Variants in USP53 observed in about 807,000 individuals in gnomAD.
USP53 encodes ubiquitin carboxyl-terminal hydrolase 53.
A neutral mutation model predicts 94.9 loss-of-function variants in USP53; 71 were observed. The ratio of observed to expected loss-of-function variants is 0.75; its 90% CI spans 0.62 to 0.91. The LOEUF is 0.91. Among genes scored for constraint, USP53 ranks in the 40% least tolerant of loss-of-function variants. USP53 has a pLI of 0.00. For synonymous variants in USP53, 375 were observed against 422.7 expected (o/e 0.89, Z 1.39); for missense variants, 1,173 against 1,281.0 (o/e 0.92, Z 1.29).
Position 119,294,466 on chromosome 4 carries a change from ATTGCT to A in USP53, c.*1258_*1262del, listed in dbSNP as rs1755080034. On this transcript the variant is annotated 3_prime_UTR_variant, in exon 19 of 19. Transcript: ENST00000692078. ...TTATGAGTAAAAATAAGTTACTTTA[ATTGCT>A]TTATTTCGTTAGTTGTCATTTTATT... 6.6e-6 allele frequency: 1 copy of A among 151,912 alleles called. No individual in the cohort carries two copies. Among genetic ancestry groups the A allele is most frequent in the South Asian group, 2.1e-4 (1 of 4,818 alleles). 9.4% of individuals were successfully genotyped at this position (151,912 alleles called of 1,614,324 possible). A position where few individuals can be genotyped will look rare whatever the true frequency, so the allele number is the denominator to read the frequency against.
intron 17 of USP53, among the ~76,000 whole-genome samples, chr4:119,283,560 GT>G (rs1174909679): frequency 1.3e-5 from 2 of 151,878 alleles, no homozygotes; most frequent in Admixed American, 1.3e-4. Context: ...GGAGAGAAAA[GT>G]TGGGGGCAGT....
intron 17 of USP53, among the ~76,000 whole-genome samples, chr4:119,280,055 C>A (rs866400643): frequency 1.3e-4 from 20 of 152,192 alleles, no homozygotes; most frequent in African/African-American, 4.3e-4. Flanking sequence ...AGAAATCACC[C>A]GTCTTCTGCG....
At chr4:119,245,194 T>TTA in intron 5 of USP53, 143 bp from the exon 6 acceptor site, 1 of 657,066 alleles carries the variant, frequency 1.5e-6, no homozygotes. Flanking sequence ...TTTCCAGTGG[T>TTA]TATGTGTGTC....
intron 3 of USP53, among the ~76,000 whole-genome samples, chr4:119,226,516 T>C (rs1745271258): frequency 6.6e-6 from 1 of 152,030 alleles, no homozygotes; most frequent in African/African-American, 2.4e-5. Context: ...TACTATAATG[T>C]CAAAAAAAGA....
chr4:119,248,702 C>T (rs771065045), intron 6 of USP53, 46 bp from the exon 7 acceptor site: 13 of 1,584,076 alleles, frequency 8.2e-6, no homozygotes, highest in South Asian at 1.2e-5. Flanking sequence ...ACTGAAATGT[C>T]GTTAAAGCTG....
At chr4:119,276,567 G>T (rs1430893161) in intron 17 of USP53, among the ~76,000 whole-genome samples, 190 of 138,732 alleles carry the variant, frequency 1.4e-3, no homozygotes, top group African/African-American at 2.9e-3. Flanking sequence ...TCTCTTTTTT[G>T]GTTGTGTCTC....
Position 119,267,466 on chromosome 4 carries a change from T to G in USP53, c.1119T>G (p.Ser373=). The change falls in exon 13 of 19, where the codon TCT becomes TCG. Residue 373 remains serine (S), a synonymous_variant. Transcript: ENST00000692078. ...RQVISWSHYK[S]VAENMGCEKP... The stretch of plus-strand genomic sequence containing the variant: ...TCATCAGCTGGTCACATTACAAATC[T>G]GTTGCAGAAAATATGGGTAATTCTT... 1 of 1,605,822 alleles carries G rather than the reference T, an allele frequency of 6.2e-7. No individual in the cohort carries two copies. Among genetic ancestry groups the G allele is most frequent in the Non-Finnish European group, 8.5e-7 (1 of 1,177,976 alleles).
intron 5 of USP53, among the ~76,000 whole-genome samples, chr4:119,244,063 C>A (rs1301193655): frequency 6.6e-6 from 1 of 152,140 alleles, no homozygotes; most frequent in Non-Finnish European, 1.5e-5. Context: ...AATTAGAAAC[C>A]AGACACCTGC....
chr4:119,216,866 C>T (rs773844140), intron 2 of USP53, among the ~76,000 whole-genome samples: 1 of 152,158 alleles, frequency 6.6e-6, no homozygotes, highest in East Asian at 1.9e-4. Flanking sequence ...ATATATAATA[C>T]AGCGTCTGCT....
At chr4:119,276,398 C>T (rs897163595) in intron 17 of USP53, among the ~76,000 whole-genome samples, 12 of 150,600 alleles carry the variant, frequency 8.0e-5, no homozygotes, top group African/African-American at 2.9e-4. Flanking sequence ...TGCTGGATTA[C>T]ATTTATTGAT....
At chr4:119,286,626 ATTAC>A (rs1281414784) in intron 17 of USP53, among the ~76,000 whole-genome samples, 1 of 152,050 alleles carries the variant, frequency 6.6e-6, no homozygotes, top group Non-Finnish European at 1.5e-5. Context: ...AAAGTAAAGA[ATTAC>A]TTAAGAACTA....
intron 17 of USP53, among the ~76,000 whole-genome samples, chr4:119,289,212 G>A (rs887800205): frequency 6.6e-6 from 1 of 152,108 alleles, no homozygotes; most frequent in African/African-American, 2.4e-5. Context: ...TGCAAATGAA[G>A]TAAATTAATA....
rs1561368442 is a variant in USP53 at position 119,292,911 on chromosome 4, T to C, written c.2922T>C (p.Ser974=). 6.2e-7 allele frequency: 1 copy of C among 1,613,898 alleles called. No individual in the cohort carries two copies. The highest frequency in any genetic ancestry group is 8.5e-7 in the Non-Finnish European group (1 of 1,179,948). The change falls in exon 19 of 19, where the codon AGT becomes AGC. Residue 974 remains serine (S), a synonymous_variant. Coordinates refer to ENST00000692078, the MANE Select transcript of USP53 (RefSeq NM_001371395.1). ...CTTCAGAACCAAGTTTAGAAGTGAG[T>C]ACACATATGAATGATGAAAGACATA... ...STASEPSLEV[S]THMNDERHKE...
At chr4:119,282,821 ATTTC>A (rs1753655185) in intron 17 of USP53, among the ~76,000 whole-genome samples, 1 of 152,090 alleles carries the variant, frequency 6.6e-6, no homozygotes, top group African/African-American at 2.4e-5. Flanking sequence ...GGTCATTCCT[ATTTC>A]TTATTTATAA....
intron 2 of USP53, among the ~76,000 whole-genome samples, chr4:119,214,943 A>G (rs1743507329): frequency 1.3e-5 from 2 of 152,224 alleles, no homozygotes; most frequent in East Asian, 1.9e-4. Flanking sequence ...GTTGATCTTT[A>G]TAAAGTGATG....
chr4:119,224,728 G>A (rs1038817524), intron 3 of USP53, among the ~76,000 whole-genome samples: 1 of 152,202 alleles, frequency 6.6e-6, no homozygotes. Context: ...CTGGGGAAAG[G>A]AGTACTTGAA....
intron 7 of USP53, 65 bp downstream of exon 7, chr4:119,248,947 T>C: frequency 6.4e-7 from 1 of 1,568,440 alleles, no homozygotes; most frequent in Non-Finnish European, 8.6e-7. Flanking sequence ...ATGGTACAAG[T>C]GTTGAGACAA....
chr4:119,272,070 C>G, intron 16 of USP53, 36 bp downstream of exon 16: 1 of 1,520,324 alleles, frequency 6.6e-7, no homozygotes. Context: ...TTTTCCATCA[C>G]TCTTCTTTTT....
intron 9 of USP53, among the ~76,000 whole-genome samples, chr4:119,258,327 G>C (rs1039832632): frequency 3.3e-5 from 5 of 151,864 alleles, no homozygotes; most frequent in African/African-American, 9.7e-5. Flanking sequence ...TGTTTGGATG[G>C]GTACATTTAG....
Sources: gnomAD v4.1 joint callset for allele counts (sites outside exome capture counted in the v4.1 genomes callset) on GRCh38, gnomAD v4.1.1 for gene constraint, MANE v1.5 for transcripts, NCBI Gene and HGNC (gene_info 2026-07-23, HGNC 2026-07-21) for gene names.